The following COL6A6 variants were observed in gnomAD, a reference collection of about 807,000 sequenced individuals.
COL6A6 encodes the protein collagen type VI alpha 6 chain.
A neutral mutation model predicts 208.6 loss-of-function variants in COL6A6; 183 were observed. That is an observed-to-expected ratio of 0.88 (90% CI 0.78 to 0.99). The LOEUF is 0.99. COL6A6 is among the 50% of genes least tolerant of loss of function. COL6A6 has a pLI of 0.00. For missense variants in COL6A6, 2,816 were observed against 2,815.2 expected (o/e 1.00, Z -0.01); for synonymous variants, 973 against 1,011.8 (o/e 0.96, Z 0.73).
chr3:130,642,689 A>G (rs2065351557), intron 29 of COL6A6, 143 bp from the exon 30 acceptor site: 1 of 660,640 alleles, frequency 1.5e-6, no homozygotes. Flanking sequence ...ATGAGTACCT[A>G]CCTGCATTCT....
chr3:130,574,177 A>G lies in COL6A6; in HGVS notation c.3199A>G (p.Ile1067Val). ...AGGTGAAAAAGAGATATCATTTCAGATTGAAAACATCAAGCAGATCTTTGG... is the reference window on the plus strand; with the variant it reads ...AGGTGAAAAAGAGATATCATTTCAGGTTGAAAACATCAAGCAGATCTTTGG... Reference protein sequence around the residue: ...FIGEKEISFQIENIKQIFGNT... With the variant: ...FIGEKEISFQVENIKQIFGNT... The change falls in exon 8 of 37, where the codon ATT becomes GTT. Residue 1067 changes from isoleucine to valine, a missense_variant. Ile to Val is a conservative substitution (Grantham distance 29, BLOSUM62 3). Coordinates refer to ENST00000358511, the MANE Select transcript of COL6A6 (RefSeq NM_001102608.3). 1 of 1,613,998 alleles carries G rather than the reference A, an allele frequency of 6.2e-7. No homozygotes were observed. Among genetic ancestry groups the G allele is most frequent in the Non-Finnish European group, 8.5e-7 (1 of 1,179,892 alleles).
intron 1 of COL6A6, among the ~76,000 whole-genome samples, chr3:130,546,912 A>G (rs528674100): frequency 1.3e-4 from 1 of 7,862 alleles, no homozygotes; most frequent in South Asian, 2.2e-3. Context: ...CTTATGCTAG[A>G]CAGAGTGCTG....
At chr3:130,586,748 CTG>C in intron 11 of COL6A6, 88 bp downstream of exon 11, 1 of 1,321,704 alleles carries the variant, frequency 7.6e-7, no homozygotes. Context: ...TTTGAACTTA[CTG>C]TGTTTATTTG....
intron 36 of COL6A6, among the ~76,000 whole-genome samples, chr3:130,665,756 G>A (rs2066059545): frequency 6.6e-6 from 1 of 152,208 alleles, no homozygotes; most frequent in Admixed American, 6.5e-5. Flanking sequence ...TCACCAGTTT[G>A]TGGTTCACAA....
intron 1 of COL6A6, among the ~76,000 whole-genome samples, chr3:130,527,284 A>G: frequency 6.6e-6 from 1 of 152,212 alleles, no homozygotes; most frequent in East Asian, 1.9e-4. Context: ...CTTCTCCAGT[A>G]AAGATAACTA....
chr3:130,520,316 G>A (rs1710990082), intron 1 of COL6A6, among the ~76,000 whole-genome samples: 2 of 152,272 alleles, frequency 1.3e-5, no homozygotes, highest in Non-Finnish European at 1.5e-5. Flanking sequence ...GAATTTAAAA[G>A]GCATAAATGA....
chr3:130,522,851 T>G (rs1281790818), intron 1 of COL6A6, among the ~76,000 whole-genome samples: 1 of 151,762 alleles, frequency 6.6e-6, no homozygotes, highest in Non-Finnish European at 1.5e-5. Context: ...ATTCTCCTTG[T>G]CATCACTGCA....
intron 6 of COL6A6, among the ~76,000 whole-genome samples, chr3:130,569,837 G>T (rs1295469032): frequency 2.6e-5 from 4 of 152,184 alleles, no homozygotes; most frequent in Non-Finnish European, 4.4e-5. Flanking sequence ...CACATGGCCT[G>T]CAGTTAGTGG....
At position 130,581,568 on chromosome 3, in the gene COL6A6, C is replaced by T. The variant is rs372436892; in HGVS notation, c.3555C>T (p.Phe1185=). Reference sequence around the variant, plus strand: ...TTTTCCTTTGAATCCTAGACTGTTTCGTGGATGTTGTGGTGGGATTTGATG... The same window carrying T: ...TTTTCCTTTGAATCCTAGACTGTTTTGTGGATGTTGTGGTGGGATTTGATG... ...ICTTAGESNC[F]VDVVVGFDVS... is the part of the protein sequence containing the mutation. The change falls in exon 9 of 37, where the codon TTC becomes TTT. Residue 1185 remains phenylalanine, a synonymous_variant. Transcript: ENST00000358511. 6.1e-5 allele frequency: 98 copies of T among 1,603,448 alleles called. No individual in the cohort carries two copies. The African/African-American group carries it at 7.6e-4, about 12-fold the overall frequency.
At chr3:130,567,537 A>T (rs1474764531) in intron 5 of COL6A6, among the ~76,000 whole-genome samples, 5 of 152,230 alleles carry the variant, frequency 3.3e-5, no homozygotes, top group Admixed American at 2.6e-4. Context: ...ATGAGTGTAC[A>T]CCACACGTGT....
In COL6A6 at chr3:130,565,229, T is replaced by G; in HGVS notation, c.897T>G (p.Leu299=). Residue 299 remains leucine (L), a synonymous_variant, in exon 4 of 37, where the codon CTT becomes CTG. Coordinates refer to ENST00000358511, the MANE Select transcript of COL6A6 (RefSeq NM_001102608.3). ...KSEVLQHIQN[L]SPRTGKAYTG... Reference sequence around the variant, plus strand: ...AGGTTCTCCAGCATATACAGAACCTTTCTCCCCGAACTGGGAAGGCCTATA... The same window carrying G: ...AGGTTCTCCAGCATATACAGAACCTGTCTCCCCGAACTGGGAAGGCCTATA... 6.2e-7 allele frequency: 1 copy of G among 1,613,880 alleles called. No individual in the cohort carries two copies.
At chr3:130,591,580 A>C (rs1211540095) in intron 13 of COL6A6, among the ~76,000 whole-genome samples, 1 of 152,258 alleles carries the variant, frequency 6.6e-6, no homozygotes, top group Non-Finnish European at 1.5e-5. Flanking sequence ...TTCATTCAAC[A>C]AATATATGTT....
chr3:130,591,205 G>A (rs749794464), intron 13 of COL6A6, 111 bp downstream of exon 13: 30 of 814,752 alleles, frequency 3.7e-5, no homozygotes, highest in Non-Finnish European at 5.9e-5. Context: ...AAGGATTCGT[G>A]TACAGAATCT....
chr3:130,620,810 G>C (rs1452692548), intron 23 of COL6A6, among the ~76,000 whole-genome samples: 1 of 152,112 alleles, frequency 6.6e-6, no homozygotes, highest in South Asian at 2.1e-4. Flanking sequence ...ATTACGCAAA[G>C]GCTGGTTTAT....
At chr3:130,618,319 G>T (rs1340846760) in intron 23 of COL6A6, among the ~76,000 whole-genome samples, 1 of 152,154 alleles carries the variant, frequency 6.6e-6, no homozygotes, top group Non-Finnish European at 1.5e-5. Context: ...AGTAAATGGG[G>T]TTAATAACAG....
intron 8 of COL6A6, among the ~76,000 whole-genome samples, chr3:130,576,156 C>A (rs1355900547): frequency 6.6e-6 from 1 of 152,186 alleles, no homozygotes; most frequent in African/African-American, 2.4e-5. Flanking sequence ...GTGATTGCCT[C>A]TTCTTTGTAG....
intron 18 of COL6A6, among the ~76,000 whole-genome samples, chr3:130,594,915 A>G (rs962535247): frequency 4.6e-5 from 7 of 152,178 alleles, no homozygotes; most frequent in African/African-American, 1.7e-4. Context: ...CTTACTCACT[A>G]CCACAAGAAC....
chr3:130,628,918 A>G (rs2064976253), intron 26 of COL6A6, among the ~76,000 whole-genome samples: 1 of 102,750 alleles, frequency 9.7e-6, no homozygotes, highest in South Asian at 3.2e-4. Flanking sequence ...ATCAAAGACC[A>G]AAAGTAGATA....
rs562305679 is a variant in COL6A6, at chr3:130,653,092, TTTTG to T, written c.5733+3539_5733+3542del. ...CCATTTTTTAATGGAAAAACATGTT[TTTTG>T]TTTGTTTGCTTATTTTGTCCCTAGG... On this transcript the variant is annotated intron_variant, in intron 33 of 36. Transcript: ENST00000358511. Among the ~76,000 whole-genome samples, 257 of 152,350 alleles carry T rather than the reference TTTTG, an allele frequency of 1.7e-3. 1 individual carries two copies. The highest frequency in any genetic ancestry group is 6.0e-3 in the African/African-American group (250 of 41,570).
Sources: gnomAD v4.1 joint callset for allele counts (sites outside exome capture counted in the v4.1 genomes callset) on GRCh38, gnomAD v4.1.1 for gene constraint, MANE v1.5 for transcripts, NCBI Gene and HGNC (gene_info 2026-07-23, HGNC 2026-07-21) for gene names.